RCAN1: variants seen among roughly 807,000 people sequenced by gnomAD.
RCAN1 encodes the protein calcipressin-1.
In RCAN1, 11 loss-of-function variants were observed where a neutral mutation model predicts 22.9. The observed-to-expected ratio is 0.48, with a 90% CI of 0.30 to 0.79. The LOEUF is 0.79. Among genes scored for constraint, RCAN1 ranks in the 30% least tolerant of loss-of-function variants. The pLI is 0.06. For synonymous variants in RCAN1, 136 were observed against 142.3 expected, an observed-to-expected ratio of 0.96 and a Z score of 0.32; for missense variants, 291 against 337.8, an observed-to-expected ratio of 0.86 and a Z score of 1.09.
rs1331598294 is a variant in RCAN1 at position 34,516,607 on chromosome 21, T to C, written c.*1477A>G. On this transcript the variant is annotated 3_prime_UTR_variant, in exon 4 of 4. Coordinates refer to ENST00000313806, the MANE Select transcript of RCAN1 (RefSeq NM_004414.7). Reference sequence around the variant, plus strand: ...ACACTTGGACAGCGATGCAATGGTCTCTCCCAAACCGGCTCCCTCTTACCA... The same window carrying C: ...ACACTTGGACAGCGATGCAATGGTCCCTCCCAAACCGGCTCCCTCTTACCA... 1 of 152,202 alleles carries C rather than the reference T, an allele frequency of 6.6e-6. No individual in the cohort carries two copies. Among genetic ancestry groups the C allele is most frequent in the Admixed American group, 6.5e-5 (1 of 15,278 alleles). The allele number at this position is 152,202 out of a possible 1,614,324, so 9.4% of individuals were successfully genotyped here. A position where few individuals can be genotyped will look rare whatever the true frequency, so the allele number is the denominator to read the frequency against.
At chr21:34,583,524 G>C (rs916621123) in intron 1 of RCAN1, among the ~76,000 whole-genome samples, 1 of 152,126 alleles carries the variant, frequency 6.6e-6, no homozygotes, top group Non-Finnish European at 1.5e-5. Flanking sequence ...TGTAAGAGGA[G>C]AGAATGTGGA....
intron 1 of RCAN1, among the ~76,000 whole-genome samples, chr21:34,579,051 A>C (rs749898332): frequency 1.8e-4 from 28 of 152,182 alleles, no homozygotes; most frequent in Non-Finnish European, 3.2e-4. Context: ...GGGGTCCCTC[A>C]AAGGTTTTTA....
chr21:34,578,771 C>T (rs1987501731), intron 1 of RCAN1, among the ~76,000 whole-genome samples: 1 of 152,078 alleles, frequency 6.6e-6, no homozygotes, highest in Non-Finnish European at 1.5e-5. Flanking sequence ...CCAAGTGTTA[C>T]CAGAAGTGGT....
At chr21:34,521,281 C>A (rs752833679) in intron 3 of RCAN1, 11 of 1,445,194 alleles carry the variant, frequency 7.6e-6, no homozygotes, top group Non-Finnish European at 1.0e-5. Context: ...TGCAGGGTCC[C>A]CACGATCAGC....
intron 1 of RCAN1, among the ~76,000 whole-genome samples, chr21:34,613,212 T>C (rs1302794904): frequency 6.6e-6 from 1 of 151,622 alleles, no homozygotes; most frequent in Non-Finnish European, 1.5e-5. Flanking sequence ...AAAATAGCAA[T>C]CTCCCCTCCA....
intron 3 of RCAN1, among the ~76,000 whole-genome samples, chr21:34,519,849 G>A (rs958502581): frequency 1.3e-5 from 2 of 152,144 alleles, no homozygotes; most frequent in Non-Finnish European, 2.9e-5. Context: ...TTACTGATAA[G>A]GAAGGTGGTG....
intron 1 of RCAN1, among the ~76,000 whole-genome samples, chr21:34,558,338 G>A (rs1014743377): frequency 6.6e-6 from 1 of 152,174 alleles, no homozygotes; most frequent in African/African-American, 2.4e-5. Flanking sequence ...GCCAGGCCAG[G>A]ACTTCCTCTA....
In RCAN1 at chr21:34,517,406, A is replaced by G. The variant is rs1276405702; in HGVS notation, c.*678T>C. ...TGGGGATGCTGAGTGAATGCATTCC[A>G]GGAAGAGTTCCGCAAGCAAGTGCTG... On this transcript the variant is annotated 3_prime_UTR_variant, in exon 4 of 4. Transcript: ENST00000313806. The G allele has an allele frequency of 6.6e-6, 1 of 152,268 alleles. No homozygotes were observed. The highest frequency in any genetic ancestry group is 1.5e-5 in the Non-Finnish European group (1 of 68,056). The allele number at this position is 152,268 out of a possible 1,614,324, so 9.4% of individuals were successfully genotyped here.
At chr21:34,562,316 C>T (rs1237168416) in intron 1 of RCAN1, among the ~76,000 whole-genome samples, 21 of 143,320 alleles carry the variant, frequency 1.5e-4, no homozygotes, top group Admixed American at 1.4e-3. Context: ...TCCATGACTT[C>T]CCCGAATATT....
intron 1 of RCAN1, among the ~76,000 whole-genome samples, chr21:34,552,747 C>T (rs752856131): frequency 4.6e-5 from 7 of 151,862 alleles, no homozygotes; most frequent in Admixed American, 6.6e-5. Context: ...ATGGATGTAT[C>T]GATAATAAAA....
At chr21:34,541,033 AT>A (rs1365819965) in intron 1 of RCAN1, among the ~76,000 whole-genome samples, 2 of 152,162 alleles carry the variant, frequency 1.3e-5, no homozygotes. Flanking sequence ...ATACTAAGCC[AT>A]GACCAGGTGC....
chr21:34,610,837 G>A (rs761741047), intron 1 of RCAN1, among the ~76,000 whole-genome samples: 39 of 152,248 alleles, frequency 2.6e-4, no homozygotes, highest in Non-Finnish European at 4.3e-4. Context: ...ATGCTGATCC[G>A]AATATTTTGT....
At chr21:34,608,626 G>T (rs1988602988) in intron 1 of RCAN1, among the ~76,000 whole-genome samples, 1 of 152,190 alleles carries the variant, frequency 6.6e-6, no homozygotes, top group Non-Finnish European at 1.5e-5. Flanking sequence ...TGAGGCAGGG[G>T]CACCAGGCTA....
At chr21:34,536,183 C>G (rs1436590909) in intron 1 of RCAN1, among the ~76,000 whole-genome samples, 3 of 152,200 alleles carry the variant, frequency 2.0e-5, no homozygotes, top group African/African-American at 7.2e-5. Flanking sequence ...CAAATCAAAA[C>G]TCTACTTAAT....
Position 34,614,806 on chromosome 21 carries a change from A to G in RCAN1, c.206T>C (p.Ile69Thr). 3.4e-6 allele frequency: 5 copies of G among 1,487,102 alleles called. No individual in the cohort carries two copies. Among genetic ancestry groups the G allele is most frequent in the Non-Finnish European group, 4.5e-6 (5 of 1,116,920 alleles). 92.1% of individuals were successfully genotyped at this position (1,487,102 alleles called of 1,614,324 possible). Residue 69 changes from isoleucine (I) to threonine (T), a missense_variant, in exon 1 of 4, where the codon ATC (isoleucine) becomes ACC (threonine). By Grantham distance (89) the Ile-to-Thr change is moderately conservative (BLOSUM62 -1). Coordinates refer to ENST00000313806, the MANE Select transcript of RCAN1 (RefSeq NM_004414.7). The surrounding 1 kb of genome is among the most constrained non-coding windows in gnomAD (Gnocchi z 6.0). ...VDLQDLPSAT[I>T]ACHLDPRVFV... ...CACGCGCGGGTCCAGGTGACAGGCG[A>G]TGGTGGCGCTGGGCAGGTCCTGCAG...
chr21:34,523,789 T>C (rs1408405363), intron 1 of RCAN1, 79 bp from the exon 2 acceptor site: 40 of 1,282,884 alleles, frequency 3.1e-5, no homozygotes, highest in African/African-American at 4.5e-5. Context: ...CATTACTTTT[T>C]TTTTTTTCTT....
At position 34,614,352 on chromosome 21, in the gene RCAN1, A is replaced by G. The variant is rs1407401074; in HGVS notation, c.252+408T>C. On this transcript the variant is annotated intron_variant, in intron 1 of 3. Transcript: ENST00000313806. The surrounding 1 kb of genome is among the most constrained non-coding windows in gnomAD (Gnocchi z 6.0). Reference sequence around the variant, plus strand: ...TCGTCCTATTTATGAACACTGAGTCACGTCGCCGCTCAATGTCTGTTTCCT... The same window carrying G: ...TCGTCCTATTTATGAACACTGAGTCGCGTCGCCGCTCAATGTCTGTTTCCT... 2 of 990,726 alleles carry G rather than the reference A, an allele frequency of 2.0e-6. No homozygotes were observed. Among genetic ancestry groups the G allele is most frequent in the Non-Finnish European group, 2.4e-6 (2 of 833,578 alleles). The allele number at this position is 990,726 out of a possible 1,614,324, so 61.4% of individuals were successfully genotyped here.
chr21:34,525,629 G>T, intron 1 of RCAN1: 1 of 355,316 alleles, frequency 2.8e-6, no homozygotes, highest in East Asian at 4.2e-5. Context: ...GAACAAAAGA[G>T]AATTCACATT....
At chr21:34,593,493 C>T (rs1314671199) in intron 1 of RCAN1, among the ~76,000 whole-genome samples, 3 of 152,216 alleles carry the variant, frequency 2.0e-5, no homozygotes, top group Admixed American at 1.3e-4. Flanking sequence ...CATTATGAAA[C>T]GATGCCAAAT....
Sources: gnomAD v4.1 joint callset for allele counts (sites outside exome capture counted in the v4.1 genomes callset) on GRCh38, gnomAD v4.1.1 for gene constraint, Gnocchi (gnomAD v3.1) non-coding constraint, MANE v1.5 for transcripts, NCBI Gene and HGNC (gene_info 2026-07-23, HGNC 2026-07-21) for gene names.